Variants in OPHN1 observed in about 807,000 individuals in gnomAD.
OPHN1 encodes the protein oligophrenin 1.
A neutral mutation model predicts 60.7 loss-of-function variants in OPHN1; 11 were observed. That is an observed-to-expected ratio of 0.18 (90% CI 0.11 to 0.30). The LOEUF (loss-of-function observed/expected upper bound fraction) is 0.30. Ranked by LOEUF, OPHN1 falls within the 10% of genes least tolerant of loss-of-function variation. The pLI, the probability that OPHN1 is intolerant of heterozygous loss-of-function variation, is 1.00. For missense variants in OPHN1, 449 were observed against 611.0 expected (o/e 0.73, Z 2.80); for synonymous variants, 226 against 222.6 (o/e 1.02, Z -0.14).
chrX:68,167,762 T>C (rs776066227), intron 15 of OPHN1, among the ~76,000 whole-genome samples: 2 of 109,479 alleles, frequency 1.8e-5, no homozygotes, highest in East Asian at 5.8e-4. Context: ...GAAATCTGTA[T>C]ACTGAAGAGA....
chrX:68,365,535 C>T (rs2078493930), intron 2 of OPHN1, among the ~76,000 whole-genome samples: 1 of 111,863 alleles, frequency 8.9e-6, no homozygotes, highest in Non-Finnish European at 1.9e-5. Context: ...CCTCCTCACT[C>T]AGCAGTAGGA....
intron 2 of OPHN1, among the ~76,000 whole-genome samples, chrX:68,303,887 G>C (rs1245894935): frequency 9.0e-6 from 1 of 110,749 alleles, no homozygotes; most frequent in Non-Finnish European, 1.9e-5. Flanking sequence ...TAGAGGCTTG[G>C]AAGGGTAGGG....
At chrX:68,063,081 C>T (rs908780247) in intron 21 of OPHN1, among the ~76,000 whole-genome samples, 6 of 111,338 alleles carry the variant, frequency 5.4e-5, no homozygotes, top group Admixed American at 9.6e-5. Context: ...GTGGAAAGAA[C>T]GCAGGCTTTG....
chrX:68,206,749 T>C (rs749302279), intron 9 of OPHN1, 76 bp from the exon 10 acceptor site: 2 of 766,315 alleles, frequency 2.6e-6, no homozygotes, highest in Non-Finnish European at 4.0e-6. Flanking sequence ...AGATGGAAGC[T>C]ATTTACACAT....
intron 9 of OPHN1, among the ~76,000 whole-genome samples, chrX:68,206,968 T>A (rs2077562014): frequency 9.0e-6 from 1 of 111,035 alleles, no homozygotes; most frequent in Non-Finnish European, 1.9e-5. Flanking sequence ...ACTATTGTCA[T>A]TTACTTTGCT....
At chrX:68,154,861 C>CCACACACACACA (rs60627495) in intron 15 of OPHN1, among the ~76,000 whole-genome samples, 169 of 94,344 alleles carry the variant, frequency 1.8e-3, no homozygotes, top group African/African-American at 6.1e-3. Flanking sequence ...ATAGTACACA[C>CCACACACACACA]CACACACACA....
chrX:68,175,280 A>T (rs1324939987), intron 15 of OPHN1, among the ~76,000 whole-genome samples: 7 of 111,246 alleles, frequency 6.3e-5, no homozygotes, highest in Admixed American at 5.8e-4. Context: ...TATATTTTTT[A>T]AAATGTCTTC....
intron 19 of OPHN1, among the ~76,000 whole-genome samples, chrX:68,089,051 G>T (rs1000389610): frequency 3.6e-5 from 4 of 111,340 alleles, no homozygotes; most frequent in Non-Finnish European, 7.5e-5. Flanking sequence ...CAAAGAAAAA[G>T]TCCACCCGAT....
intron 2 of OPHN1, among the ~76,000 whole-genome samples, chrX:68,402,903 C>T (rs2078722706): frequency 8.9e-6 from 1 of 111,794 alleles, no homozygotes; most frequent in South Asian, 3.8e-4. Flanking sequence ...CACATACTCA[C>T]ACGTTAAAAG....
At chrX:68,254,893 C>T (rs1393919437) in intron 5 of OPHN1, among the ~76,000 whole-genome samples, 1 of 109,071 alleles carries the variant, frequency 9.2e-6, no homozygotes, top group Non-Finnish European at 1.9e-5. Flanking sequence ...TGGCATGTGC[C>T]TGCAATCTCA....
Position 68,194,046 on chromosome X carries a change from G to A in OPHN1, c.1139-94C>T, listed in dbSNP as rs2077500529. 3.9e-6 allele frequency: 3 copies of A among 762,416 alleles called. No homozygotes were observed. The East Asian group carries it at 9.7e-5, about 25-fold the overall frequency. The allele number at this position is 762,416 out of a possible 1,213,427, so 62.8% of individuals were successfully genotyped here. A position where few individuals can be genotyped will look rare whatever the true frequency, so the allele number is the denominator to read the frequency against. ...CATGCAAAGGGACTGCATTGAGAGA[G>A]CTAAGGGTTTTTAGTTGCTCATTTC... On this transcript the variant is annotated intron_variant, in intron 13 of 24. Transcript: ENST00000355520.
chrX:68,286,207 T>C (rs1004069848), intron 3 of OPHN1, among the ~76,000 whole-genome samples: 8 of 112,029 alleles, frequency 7.1e-5, no homozygotes. Flanking sequence ...TGTTGTTACA[T>C]TGGCTTCATG....
In OPHN1 at chrX:68,109,641, A is replaced by T. The variant is rs1031955179; in HGVS notation, c.1526+2213T>A. 1.3e-3 allele frequency among the ~76,000 whole-genome samples: 140 copies of T among 111,603 alleles called. 1 individual carries two copies. Among genetic ancestry groups the T allele is most frequent in the Non-Finnish European group, 2.4e-3 (127 of 53,081 alleles). ...TATGCTTCATTTGACAAATTTTTTTAAATGTGTGTGTATTCTTACATATTC... is the reference window on the plus strand; with the variant it reads ...TATGCTTCATTTGACAAATTTTTTTTAATGTGTGTGTATTCTTACATATTC... On this transcript the variant is annotated intron_variant, in intron 18 of 24. Transcript: ENST00000355520.
At chrX:68,195,008 AAGG>A (rs2077505799) in intron 12 of OPHN1, among the ~76,000 whole-genome samples, 3 of 46,084 alleles carry the variant, frequency 6.5e-5, no homozygotes, top group African/African-American at 3.7e-4. Flanking sequence ...GAAAGAAAGG[AAGG>A]AAGGAAGGAA....
intron 15 of OPHN1, among the ~76,000 whole-genome samples, chrX:68,147,751 TATG>T (rs1157079497): frequency 8.9e-6 from 1 of 111,967 alleles, no homozygotes; most frequent in Admixed American, 9.5e-5. Context: ...TAAAGGAAGT[TATG>T]ATGATGAAAT....
At chrX:68,419,950 C>T (rs1198962687) in intron 2 of OPHN1, among the ~76,000 whole-genome samples, 1 of 111,378 alleles carries the variant, frequency 9.0e-6, no homozygotes, top group Non-Finnish European at 1.9e-5. Context: ...TTTTTTTTAA[C>T]CACCTCACTG....
intron 15 of OPHN1, among the ~76,000 whole-genome samples, chrX:68,185,341 A>G (rs1387424202): frequency 8.9e-6 from 1 of 112,274 alleles, no homozygotes; most frequent in Non-Finnish European, 1.9e-5. Context: ...CACAAAAAGT[A>G]TTCATTAATT....
At chrX:68,126,109 A>C (rs1393635987) in intron 15 of OPHN1, among the ~76,000 whole-genome samples, 3 of 106,938 alleles carry the variant, frequency 2.8e-5, no homozygotes, top group Non-Finnish European at 5.8e-5. Context: ...AATACAGTAC[A>C]TCATACCAAT....
chrX:68,323,653 A>G (rs1475880121), intron 2 of OPHN1, among the ~76,000 whole-genome samples: 1 of 112,072 alleles, frequency 8.9e-6, no homozygotes, highest in Non-Finnish European at 1.9e-5. Flanking sequence ...TGGACTCAAT[A>G]AATACTTGTT....
Sources: allele counts gnomAD v4.1 joint callset (sites outside exome capture counted in the v4.1 genomes callset), GRCh38; gene constraint gnomAD v4.1.1; transcripts MANE v1.5; gene names NCBI Gene and HGNC (gene_info 2026-07-23, HGNC 2026-07-21).